Variants in PSMD12 observed in about 807,000 individuals in gnomAD.
The protein encoded by PSMD12 is proteasome 26S subunit, non-ATPase 12, also known as 26S proteasome non-ATPase regulatory subunit 12.
In PSMD12, 8 loss-of-function variants were observed where a neutral mutation model predicts 62.9. The observed-to-expected ratio is 0.13, with a 90% CI of 0.07 to 0.23. The LOEUF (loss-of-function observed/expected upper bound fraction) is 0.23. Among genes scored for constraint, PSMD12 ranks in the 10% least tolerant of loss-of-function variants. The pLI is 1.00. For missense variants in PSMD12, 424 were observed against 550.2 expected, an observed-to-expected ratio of 0.77 and a Z score of 2.29; for synonymous variants, 173 against 187.4, an observed-to-expected ratio of 0.92 and a Z score of 0.63.
chr17:67,349,208 G>A (rs921270511), intron 4 of PSMD12, among the ~76,000 whole-genome samples: 1 of 152,026 alleles, frequency 6.6e-6, no homozygotes, highest in Non-Finnish European at 1.5e-5. Context: ...TAGTAGAGAG[G>A]GTGTTTCTCC....
rs779832007 is a variant in PSMD12, at chr17:67,348,696, G to C, written c.406-42C>G. 3.8e-6 allele frequency: 6 copies of C among 1,559,236 alleles called. No homozygotes were observed. The African/African-American group carries it at 8.2e-5, about 21-fold the overall frequency. On this transcript the variant is annotated intron_variant, in intron 4 of 10. Transcript: ENST00000356126. ...TACACAATCAAAATTCCATGGAAAC[G>C]TGTTAAAATTTAAAAAGTAGGCTGG... is the stretch of plus-strand genomic sequence containing the variant.
chr17:67,341,814 A>G (rs1357255908), intron 10 of PSMD12, among the ~76,000 whole-genome samples: 1 of 152,218 alleles, frequency 6.6e-6, no homozygotes, highest in Non-Finnish European at 1.5e-5. Context: ...AAGTGACAAG[A>G]GCTGACAAGC....
At chr17:67,343,056 G>A (rs1349952900) in intron 9 of PSMD12, among the ~76,000 whole-genome samples, 1 of 151,960 alleles carries the variant, frequency 6.6e-6, no homozygotes, top group Non-Finnish European at 1.5e-5. Context: ...CGATGGTGCT[G>A]AAGTTAAGAC....
Position 67,357,186 on chromosome 17 carries a change from C to T in PSMD12, c.297+117G>A, listed in dbSNP as rs866463335. 1.4e-5 allele frequency: 17 copies of T among 1,176,964 alleles called. No homozygotes were observed. In the Middle Eastern group the frequency reaches 1.5e-3, roughly 101 times the overall value. 72.9% of individuals were successfully genotyped at this position (1,176,964 alleles called of 1,614,324 possible). A position where few individuals can be genotyped will look rare whatever the true frequency, so the allele number is the denominator to read the frequency against. On this transcript the variant is annotated intron_variant, in intron 3 of 10. Coordinates refer to ENST00000356126, the MANE Select transcript of PSMD12 (RefSeq NM_002816.5). The stretch of plus-strand genomic sequence containing the variant: ...AATGTAGACTGAATTTTAAAACACC[C>T]TCTAGGATGTTACAACGTTGACTTA...
chr17:67,345,480 A>G, intron 8 of PSMD12: 1 of 340,892 alleles, frequency 2.9e-6, no homozygotes, highest in South Asian at 3.0e-5. Flanking sequence ...TGTCTCTACT[A>G]AAAATACAAA....
chr17:67,346,856 G>A (rs747920595), intron 7 of PSMD12, among the ~76,000 whole-genome samples: 11 of 152,048 alleles, frequency 7.2e-5, no homozygotes, highest in Non-Finnish European at 1.5e-4. Flanking sequence ...AAGTAATGCC[G>A]GGTCTTTAAC....
intron 3 of PSMD12, among the ~76,000 whole-genome samples, chr17:67,356,557 CAAAAA>C (rs35353017): frequency 0.019 from 282 of 14,890 alleles, no homozygotes; most frequent in Non-Finnish European, 0.023. Context: ...GACTCCGTCT[CAAAAA>C]AAAAAAAAAA....
chr17:67,355,188 G>A (rs2042057044), intron 3 of PSMD12, among the ~76,000 whole-genome samples: 1 of 146,668 alleles, frequency 6.8e-6, no homozygotes, highest in Non-Finnish European at 1.5e-5. Flanking sequence ...TGCCTCCCCA[G>A]TCAACTGATT....
intron 9 of PSMD12, among the ~76,000 whole-genome samples, chr17:67,343,471 C>T (rs1433065178): frequency 6.6e-6 from 1 of 152,086 alleles, no homozygotes; most frequent in African/African-American, 2.4e-5. Flanking sequence ...GGACTTGGTG[C>T]GCAGGCTGCC....
rs1417310573 is a variant in PSMD12 at position 67,339,674 on chromosome 17, T to C, written c.*1169A>G. ...TTTTTCTTTTTCTCTTCATTTGAAT[T>C]TTTTTAAAGTAGACCTCACACTTTC... is the stretch of plus-strand genomic sequence containing the variant. On this transcript the variant is annotated 3_prime_UTR_variant, in exon 11 of 11. Transcript: ENST00000356126. The C allele has an allele frequency of 6.6e-6, 1 of 152,222 alleles. No individual in the cohort carries two copies. The highest frequency in any genetic ancestry group is 1.5e-5 in the Non-Finnish European group (1 of 68,046). 9.4% of individuals were successfully genotyped at this position (152,222 alleles called of 1,614,324 possible).
At chr17:67,349,274 C>G (rs1447419611) in intron 4 of PSMD12, among the ~76,000 whole-genome samples, 1 of 152,210 alleles carries the variant, frequency 6.6e-6, no homozygotes, top group African/African-American at 2.4e-5. Context: ...CCACCTCGGC[C>G]TCCCAAGGTG....
intron 10 of PSMD12, 71 bp from the exon 11 acceptor site, chr17:67,341,123 C>A: frequency 8.4e-7 from 1 of 1,192,362 alleles, no homozygotes; most frequent in Non-Finnish European, 1.2e-6. Flanking sequence ...TTCAGAAAAG[C>A]ATTTTCTGAA....
chr17:67,341,008 G>A lies in PSMD12; in HGVS notation c.1206C>T (p.Ile402=). The A allele has an allele frequency of 6.4e-7, 1 of 1,556,032 alleles. No homozygotes were observed. Among genetic ancestry groups the A allele is most frequent in the Non-Finnish European group, 8.6e-7 (1 of 1,160,700 alleles). ...CTGCTAATCTGTCTACTTTAGCAAA[G>A]ATGGTCTTGTTAACTACTAGATTTG... ...FLSNLVVNKT[I]FAKVDRLAGI... Residue 402 remains isoleucine (I), a synonymous_variant, in exon 11 of 11, where the codon ATC becomes ATT. Transcript: ENST00000356126.
chr17:67,350,334 A>G lies in PSMD12; in HGVS notation c.300T>C (p.Ala100=). 6.3e-7 allele frequency: 1 copy of G among 1,589,860 alleles called. No individual in the cohort carries two copies. Among genetic ancestry groups the G allele is most frequent in the Non-Finnish European group, 8.5e-7 (1 of 1,169,724 alleles). ...AGCACTGTTGAACCATTTTGGCAAC[A>G]GCCTAAAATATTAAAAACCATTCAT... The part of the protein sequence containing the change: ...LSKRRSQLKQ[A]VAKMVQQCCT... Residue 100 remains alanine, a splice_region_variant and synonymous_variant, in exon 4 of 11, where the codon GCT becomes GCC. Coordinates refer to ENST00000356126, the MANE Select transcript of PSMD12 (RefSeq NM_002816.5).
In PSMD12 at chr17:67,341,065, A is replaced by T; in HGVS notation, c.1162-13T>A. On this transcript the variant is annotated splice_polypyrimidine_tract_variant and intron_variant, in intron 10 of 10. Transcript: ENST00000356126. ...AGGCTTCGGACTCCTGCAAGAGAGA[A>T]AGATAAATTGGATTAAGACAGGATA... is the stretch of plus-strand genomic sequence containing the variant. 6.6e-7 allele frequency: 1 copy of T among 1,521,444 alleles called. No individual in the cohort carries two copies. Among genetic ancestry groups the T allele is most frequent in the Non-Finnish European group, 8.8e-7 (1 of 1,133,438 alleles). The allele number at this position is 1,521,444 out of a possible 1,614,324, so 94.2% of individuals were successfully genotyped here.
At position 67,337,960 on chromosome 17, in the gene PSMD12, C is replaced by T. The variant is rs2041874510; in HGVS notation, c.*2883G>A. 1 of 152,010 alleles carries T rather than the reference C, an allele frequency of 6.6e-6. No individual in the cohort carries two copies. The highest frequency in any genetic ancestry group is 2.4e-5 in the African/African-American group (1 of 41,392). The allele number at this position is 152,010 out of a possible 1,614,324, so 9.4% of individuals were successfully genotyped here. ...TTTATTCTCCAGGTTTTCTTAAATA[C>T]CCACAAATTAGTGTTTTTATTGCTG... On this transcript the variant is annotated 3_prime_UTR_variant, in exon 11 of 11. Transcript: ENST00000356126.
intron 1 of PSMD12, 145 bp from the exon 2 acceptor site, chr17:67,357,723 CT>C: frequency 1.3e-6 from 1 of 773,446 alleles, no homozygotes; most frequent in South Asian, 1.8e-5. Context: ...TTTTGTTTCT[CT>C]CCTTTTCATG....
At chr17:67,358,944 T>C (rs973892692) in intron 1 of PSMD12, among the ~76,000 whole-genome samples, 34 of 152,186 alleles carry the variant, frequency 2.2e-4, no homozygotes, top group Non-Finnish European at 2.9e-5. Context: ...ATTTAGAGAT[T>C]GGAACAATAA....
At chr17:67,365,085 GA>G in intron 1 of PSMD12, among the ~76,000 whole-genome samples, 1 of 151,916 alleles carries the variant, frequency 6.6e-6, no homozygotes, top group South Asian at 2.1e-4. Context: ...TCGGGAGGCG[GA>G]GGCAGGAGAA....
Sources: gnomAD v4.1 joint callset for allele counts (sites outside exome capture counted in the v4.1 genomes callset) on GRCh38, gnomAD v4.1.1 for gene constraint, MANE v1.5 for transcripts, NCBI Gene and HGNC (gene_info 2026-07-23, HGNC 2026-07-21) for gene names.